Variants in TSHR observed in about 807,000 individuals in gnomAD.
TSHR encodes the protein thyrotropin receptor.
In TSHR, 51 loss-of-function variants were observed where a neutral mutation model predicts 64.1. The ratio of observed to expected loss-of-function variants is 0.80; its 90% confidence interval spans 0.64 to 1.01. TSHR has a LOEUF of 1.01. Ranked by LOEUF, TSHR falls within the 50% of genes least tolerant of loss-of-function variation. The probability of loss-of-function intolerance (pLI) is 0.00; values close to 1 mark genes in which losing one functional copy is unlikely to be tolerated. For missense variants in TSHR, 877 were observed against 942.8 expected (o/e 0.93, Z 0.91); for synonymous variants, 361 against 361.9 (o/e 1.00, Z 0.03).
intron 1 of TSHR, among the ~76,000 whole-genome samples, chr14:81,031,629 A>T (rs1481850598): frequency 6.6e-6 from 1 of 152,200 alleles, no homozygotes; most frequent in Non-Finnish European, 1.5e-5. Flanking sequence ...CTAGCTTAGC[A>T]ACCTGCGCCC....
At chr14:81,092,631 C>T in intron 6 of TSHR, 23 bp downstream of exon 6, 2 of 1,604,254 alleles carry the variant, frequency 1.2e-6, no homozygotes, top group Non-Finnish European at 1.7e-6. Flanking sequence ...AGTTCTACTC[C>T]CTCCATCAAC....
chr14:80,994,926 T>C (rs946549809), intron 1 of TSHR: 7 of 151,884 alleles, frequency 4.6e-5, no homozygotes, highest in African/African-American at 1.5e-4. Flanking sequence ...GTTGAGAGTA[T>C]AAAAAACACT....
chr14:81,041,105 C>T (rs1039286808), intron 1 of TSHR, among the ~76,000 whole-genome samples: 1 of 152,028 alleles, frequency 6.6e-6, no homozygotes, highest in Non-Finnish European at 1.5e-5. Flanking sequence ...GAAGGCGTGG[C>T]GATTTCTCAA....
intron 1 of TSHR, chr14:80,957,853 T>A (rs917835010): frequency 6.6e-6 from 1 of 152,184 alleles, no homozygotes; most frequent in African/African-American, 2.4e-5. Context: ...GATGACATGA[T>A]GCTGATGAGA....
intron 1 of TSHR, among the ~76,000 whole-genome samples, chr14:81,055,060 G>C (rs1162205645): frequency 6.6e-6 from 1 of 152,098 alleles, no homozygotes; most frequent in East Asian, 1.9e-4. Flanking sequence ...GGCATGGTGG[G>C]CTGGGCCTAG....
intron 8 of TSHR, among the ~76,000 whole-genome samples, chr14:81,127,650 C>T (rs1468994195): frequency 6.6e-6 from 1 of 152,122 alleles, no homozygotes; most frequent in Non-Finnish European, 1.5e-5. Context: ...CTATACTGTT[C>T]TCATGGTAGT....
chr14:81,028,206 G>C (rs1253454961), intron 1 of TSHR, among the ~76,000 whole-genome samples: 15 of 151,962 alleles, frequency 9.9e-5, no homozygotes, highest in Non-Finnish European at 1.9e-4. Flanking sequence ...ACAGACCAAT[G>C]GTAAAATATT....
chr14:81,096,242 G>A (rs1161540872), intron 6 of TSHR, among the ~76,000 whole-genome samples: 1 of 152,122 alleles, frequency 6.6e-6, no homozygotes, highest in Non-Finnish European at 1.5e-5. Flanking sequence ...GCATTCAGAT[G>A]AATGTCTTTC....
chr14:80,975,990 C>T (rs902370301), intron 1 of TSHR, among the ~76,000 whole-genome samples: 4 of 151,752 alleles, frequency 2.6e-5, no homozygotes, highest in African/African-American at 9.7e-5. Context: ...TGGCTCACTG[C>T]AAGCTCCGCC....
chr14:81,135,957 C>T (rs961761921), intron 8 of TSHR, among the ~76,000 whole-genome samples: 1 of 152,210 alleles, frequency 6.6e-6, no homozygotes, highest in Admixed American at 6.5e-5. Context: ...CACAGGAACA[C>T]TTAAGGTGCA....
intron 1 of TSHR, among the ~76,000 whole-genome samples, chr14:81,046,281 A>G (rs1295065062): frequency 1.3e-5 from 2 of 152,188 alleles, no homozygotes; most frequent in Non-Finnish European, 2.9e-5. Flanking sequence ...AACATCTATT[A>G]TAAGTCTTCT....
chr14:80,962,221 T>C (rs1887073319), intron 1 of TSHR, among the ~76,000 whole-genome samples: 3 of 152,236 alleles, frequency 2.0e-5, no homozygotes, highest in Non-Finnish European at 4.4e-5. Flanking sequence ...ATTGTAACTT[T>C]CATACACCTA....
chr14:80,969,690 C>T (rs543314324), intron 1 of TSHR, among the ~76,000 whole-genome samples: 108 of 152,254 alleles, frequency 7.1e-4, no homozygotes, highest in African/African-American at 2.4e-3. Flanking sequence ...TTCATTTCTC[C>T]AAAACTGGAT....
chr14:81,025,463 T>G (rs1226464384), intron 1 of TSHR, among the ~76,000 whole-genome samples: 1 of 152,162 alleles, frequency 6.6e-6, no homozygotes, highest in Non-Finnish European at 1.5e-5. Context: ...TATTTTTTTT[T>G]TAACATGAGA....
chr14:81,062,565 T>C (rs1566787651), intron 2 of TSHR, among the ~76,000 whole-genome samples: 2 of 152,178 alleles, frequency 1.3e-5, no homozygotes, highest in Non-Finnish European at 2.9e-5. Flanking sequence ...TATATACAGA[T>C]AGACAAACAT....
chr14:81,028,099 C>T (rs1201936121), intron 1 of TSHR, among the ~76,000 whole-genome samples: 4 of 152,030 alleles, frequency 2.6e-5, no homozygotes, highest in South Asian at 2.1e-4. Context: ...AGAGACCTTA[C>T]GATACATAAA....
chr14:81,129,569 C>T (rs967669712), intron 8 of TSHR, among the ~76,000 whole-genome samples: 4 of 152,200 alleles, frequency 2.6e-5, no homozygotes, highest in Non-Finnish European at 4.4e-5. Context: ...TCCCACTTCC[C>T]CATTCCCTCT....
At chr14:81,016,694 G>A (rs1209519725) in intron 1 of TSHR, among the ~76,000 whole-genome samples, 1 of 152,072 alleles carries the variant, frequency 6.6e-6, no homozygotes, top group African/African-American at 2.4e-5. Flanking sequence ...TCATTAATGA[G>A]CAGCTTTTCC....
At chr14:80,984,826 T>G (rs542163461) in intron 1 of TSHR, among the ~76,000 whole-genome samples, 1 of 152,334 alleles carries the variant, frequency 6.6e-6, no homozygotes, top group African/African-American at 2.4e-5. Context: ...GTGAGTAAGA[T>G]GGAGATTTGG....
Sources: gnomAD v4.1 joint callset for allele counts (sites outside exome capture counted in the v4.1 genomes callset) on GRCh38, gnomAD v4.1.1 for gene constraint, MANE v1.5 for transcripts, NCBI Gene and HGNC (gene_info 2026-07-23, HGNC 2026-07-21) for gene names.